Variants in ENO4 observed in about 807,000 individuals in gnomAD.
The protein encoded by ENO4 is 2-phospho-D-glycerate hydro-lyase.
In ENO4, 53 loss-of-function variants were observed where a neutral mutation model predicts 63.2. That is an observed-to-expected ratio of 0.84 (90% CI 0.67 to 1.05). The LOEUF is 1.05. Ranked by LOEUF, ENO4 falls within the 50% of genes least tolerant of loss-of-function variation. ENO4 has a pLI of 0.00. For synonymous variants in ENO4, 266 were observed against 283.8 expected (o/e 0.94, Z 0.63); for missense variants, 719 against 772.0 (o/e 0.93, Z 0.81).
chr10:116,894,626 A>T (rs558084754), intron 10 of ENO4, among the ~76,000 whole-genome samples: 1 of 152,344 alleles, frequency 6.6e-6, no homozygotes, highest in African/African-American at 2.4e-5. Context: ...GAAATGGAAC[A>T]GGAGTTCCCT....
At chr10:116,904,332 T>C (rs915888744) in intron 10 of ENO4, among the ~76,000 whole-genome samples, 4 of 152,194 alleles carry the variant, frequency 2.6e-5, no homozygotes, top group African/African-American at 9.6e-5. Flanking sequence ...AATATTCACA[T>C]GGTAAAAGCC....
chr10:116,873,797 C>A, intron 9 of ENO4: 1 of 852,928 alleles, frequency 1.2e-6, no homozygotes, highest in Non-Finnish European at 1.4e-6. Context: ...TTATTCCCCT[C>A]CTACTCTGTA....
intron 10 of ENO4, among the ~76,000 whole-genome samples, chr10:116,897,911 C>T (rs1345350147): frequency 3.9e-5 from 6 of 152,180 alleles, no homozygotes; most frequent in Admixed American, 6.5e-5. Context: ...CTCCCCCTCC[C>T]GTCTACAGGC....
intron 6 of ENO4, among the ~76,000 whole-genome samples, chr10:116,861,767 C>G (rs1436788074): frequency 2.0e-5 from 3 of 151,898 alleles, no homozygotes; most frequent in Non-Finnish European, 4.4e-5. Context: ...TAAAAAAGTA[C>G]AGAAAGCTTT....
chr10:116,884,022 T>G, downstream of ENO4: 3 of 224,316 alleles, frequency 1.3e-5, no homozygotes, highest in South Asian at 1.4e-4. Context: ...TTCGTTTTTC[T>G]TAAAGAAAAA....
At chr10:116,862,754 T>A in intron 6 of ENO4, 45 bp from the exon 7 acceptor site, 1 of 1,468,014 alleles carries the variant, frequency 6.8e-7, no homozygotes, top group Non-Finnish European at 9.3e-7. Context: ...ATACTTAAAT[T>A]TTCTAGTCTG....
intron 13 of ENO4, 93 bp downstream of exon 13, chr10:116,880,079 C>G (rs1846961852): frequency 1.1e-6 from 1 of 927,710 alleles, no homozygotes; most frequent in Admixed American, 2.5e-5. Context: ...TGCAGGAGGG[C>G]AGGGGAATCC....
intron 10 of ENO4, among the ~76,000 whole-genome samples, chr10:116,891,750 A>C (rs1438713404): frequency 1.3e-5 from 2 of 152,028 alleles, no homozygotes; most frequent in Non-Finnish European, 2.9e-5. Context: ...ACAAATTTTT[A>C]ATACACTTGT....
chr10:116,849,820 T>C, intron 1 of ENO4, 89 bp downstream of exon 1: 1 of 1,388,356 alleles, frequency 7.2e-7, no homozygotes, highest in Non-Finnish European at 9.7e-7. Flanking sequence ...CGCCTGCGCC[T>C]CAGAATCTCG....
rs1381540688 is a variant in ENO4, at chr10:116,873,893, C to T, written c.1216-183C>T. The stretch of plus-strand genomic sequence containing the variant: ...ATCAAAAGGAATGGTGACTTGATTT[C>T]CCAGGTTAATATTTAAGATATTTAA... On this transcript the variant is annotated intron_variant, in intron 9 of 13. Coordinates refer to ENST00000341276, the MANE Select transcript of ENO4 (RefSeq NM_001242699.2). 4 of 984,176 alleles carry T rather than the reference C, an allele frequency of 4.1e-6. 1 individual carries two copies. The South Asian group carries it at 1.4e-4, about 35-fold the overall frequency. The allele number at this position is 984,176 out of a possible 1,614,324, so 61.0% of individuals were successfully genotyped here. A position where few individuals can be genotyped will look rare whatever the true frequency, so the allele number is the denominator to read the frequency against.
intron 4 of ENO4, 104 bp downstream of exon 4, chr10:116,859,242 T>G: frequency 7.5e-7 from 1 of 1,332,718 alleles, no homozygotes; most frequent in Non-Finnish European, 9.8e-7. Flanking sequence ...CAGGCCTACT[T>G]TGGGCTCACG....
At chr10:116,893,575 T>TTCACACACACACACACACACACAC in intron 10 of ENO4, among the ~76,000 whole-genome samples, 1 of 740 alleles carries the variant, frequency 1.4e-3, no homozygotes, top group Non-Finnish European at 3.2e-3. Flanking sequence ...GGCACTCATG[T>TTCACACACACACACACACACACAC]GCACACACAC....
At chr10:116,850,428 G>A (rs1846044410) in intron 1 of ENO4, among the ~76,000 whole-genome samples, 1 of 152,100 alleles carries the variant, frequency 6.6e-6, no homozygotes, top group Non-Finnish European at 1.5e-5. Context: ...TCTCTGCCCA[G>A]CCCTGAGATC....
chr10:116,881,520 AAAG>A lies in ENO4; in HGVS notation c.1735_1737del (p.Glu579del), dbSNP rs1371706501. ...TTTATTGTTACTTTAAATAGGTTTC[AAAG>A]AAGAACACACTTTTTTTTACTTTAA... On this transcript the variant is annotated inframe_deletion, in exon 14 of 14. Transcript: ENST00000341276. The A allele has an allele frequency of 4.4e-5, 67 of 1,539,194 alleles. No homozygotes were observed. Among genetic ancestry groups the A allele is most frequent in the Non-Finnish European group, 3.8e-5 (43 of 1,143,048 alleles).
At chr10:116,899,200 T>A (rs1405958065) in intron 10 of ENO4, among the ~76,000 whole-genome samples, 1 of 148,636 alleles carries the variant, frequency 6.7e-6, no homozygotes, top group African/African-American at 2.6e-5. Flanking sequence ...AGAGAAAAAA[T>A]AAAACAATAA....
chr10:116,892,362 G>A (rs770908339), intron 10 of ENO4, among the ~76,000 whole-genome samples: 6 of 152,122 alleles, frequency 3.9e-5, no homozygotes, highest in Non-Finnish European at 8.8e-5. Flanking sequence ...ATTTCAGCTC[G>A]GCCAAAGATT....
At chr10:116,896,718 G>A (rs1325272285) in intron 10 of ENO4, among the ~76,000 whole-genome samples, 1 of 151,710 alleles carries the variant, frequency 6.6e-6, no homozygotes, top group South Asian at 2.1e-4. Context: ...CGAAGCAGTC[G>A]TCTCATCTTC....
At chr10:116,873,160 G>T (rs1162586281) in intron 9 of ENO4, among the ~76,000 whole-genome samples, 2 of 152,102 alleles carry the variant, frequency 1.3e-5, no homozygotes, top group Non-Finnish European at 1.5e-5. Flanking sequence ...GACAAGATAG[G>T]GTTTTTTAAG....
chr10:116,869,984 T>G (rs796585786), intron 8 of ENO4, among the ~76,000 whole-genome samples: 1 of 152,200 alleles, frequency 6.6e-6, no homozygotes, highest in Non-Finnish European at 1.5e-5. Context: ...TGGCATTTAG[T>G]AAGCACCAAA....
Sources: allele counts gnomAD v4.1 joint callset (sites outside exome capture counted in the v4.1 genomes callset), GRCh38; gene constraint gnomAD v4.1.1; transcripts MANE v1.5; gene names NCBI Gene and HGNC (gene_info 2026-07-23, HGNC 2026-07-21).